The following EHBP1 variants were observed in gnomAD, a reference collection of about 807,000 sequenced individuals.
The protein encoded by EHBP1 is EH domain-binding protein 1.
EHBP1 carries 55 observed loss-of-function variants against 144.0 expected under a neutral mutation model. The ratio of observed to expected loss-of-function variants is 0.38; its 90% CI spans 0.31 to 0.48. The LOEUF (loss-of-function observed/expected upper bound fraction) is 0.48, where lower values mean the gene tolerates loss of function less well. EHBP1 is among the 20% of genes least tolerant of loss of function. EHBP1 has a pLI of 0.98. For synonymous variants in EHBP1, 469 were observed against 472.7 expected, an observed-to-expected ratio of 0.99 and a Z score of 0.10; for missense variants, 1,200 against 1,364.2, an observed-to-expected ratio of 0.88 and a Z score of 1.90.
At chr2:62,783,298 C>G (rs181982311) in intron 5 of EHBP1, among the ~76,000 whole-genome samples, 6 of 152,304 alleles carry the variant, frequency 3.9e-5, no homozygotes, top group African/African-American at 1.4e-4. Context: ...AGTGCAACCT[C>G]TCAGTGGATC....
chr2:62,925,170 A>G (rs1321825954), intron 10 of EHBP1, among the ~76,000 whole-genome samples: 1 of 152,224 alleles, frequency 6.6e-6, no homozygotes. Flanking sequence ...TGTTCATGAT[A>G]AAACTCTTAA....
chr2:62,969,432 CAA>C (rs752119516), intron 14 of EHBP1, among the ~76,000 whole-genome samples: 3 of 152,022 alleles, frequency 2.0e-5, no homozygotes, highest in African/African-American at 2.4e-5. Flanking sequence ...TATCTTGAAA[CAA>C]AGAGATATAT....
chr2:62,696,132 C>T (rs190286237), intron 1 of EHBP1, among the ~76,000 whole-genome samples: 2 of 150,758 alleles, frequency 1.3e-5, no homozygotes, highest in African/African-American at 4.9e-5. Flanking sequence ...CCCTCCCTCC[C>T]TCCCTTCCTT....
intron 1 of EHBP1, among the ~76,000 whole-genome samples, chr2:62,678,197 C>T (rs769110882): frequency 1.1e-4 from 17 of 152,214 alleles, no homozygotes; most frequent in Non-Finnish European, 2.1e-4. Flanking sequence ...ATTATGATAT[C>T]TCACTGCAGT....
chr2:62,986,021 C>A (rs2059174710), intron 15 of EHBP1, among the ~76,000 whole-genome samples: 1 of 152,090 alleles, frequency 6.6e-6, no homozygotes, highest in Non-Finnish European at 1.5e-5. Context: ...ATATTGAATT[C>A]TATACTCTCC....
At position 62,808,001 on chromosome 2, in the gene EHBP1, C is replaced by T. The variant is rs549430199; in HGVS notation, c.313-18086C>T. ...TTTGGGAGGCTGAAGTGGGAGATCA[C>T]TTGGGGCCAGGCGTTTATTCCAACC... On this transcript the variant is annotated intron_variant, in intron 5 of 22. Coordinates refer to ENST00000431489, the MANE Select transcript of EHBP1 (RefSeq NM_001142616.3). Among the ~76,000 whole-genome samples, 200 of 151,420 alleles carry T rather than the reference C, an allele frequency of 1.3e-3. 1 individual carries two copies. The highest frequency in any genetic ancestry group is 4.5e-3 in the African/African-American group (184 of 41,252).
intron 19 of EHBP1, among the ~76,000 whole-genome samples, chr2:63,024,636 A>C (rs1476835269): frequency 1.3e-5 from 2 of 152,050 alleles, no homozygotes; most frequent in Non-Finnish European, 2.9e-5. Context: ...AGATGGAGTC[A>C]AAATTTAACA....
At chr2:62,679,612 A>C (rs1477887434) in intron 1 of EHBP1, among the ~76,000 whole-genome samples, 1 of 152,188 alleles carries the variant, frequency 6.6e-6, no homozygotes, top group Non-Finnish European at 1.5e-5. Context: ...AGAAAATTTC[A>C]TGCCTCTTTA....
In EHBP1 at chr2:63,045,360, C is replaced by A; in HGVS notation, c.3393-50C>A. The A allele has an allele frequency of 6.4e-7, 1 of 1,570,832 alleles. No homozygotes were observed. The highest frequency in any genetic ancestry group is 8.8e-7 in the Non-Finnish European group (1 of 1,141,650). ...CGGGGGAGTGCTGCTCTGCCCTCCA[C>A]GAAGAAAAATAATTTTGTTTCCTGT... On this transcript the variant is annotated intron_variant, in intron 22 of 22. Coordinates refer to ENST00000431489, the MANE Select transcript of EHBP1 (RefSeq NM_001142616.3). The surrounding 1 kb of genome is among the most constrained non-coding windows in gnomAD (Gnocchi z 5.7).
chr2:63,015,952 G>C (rs141381039), intron 19 of EHBP1, among the ~76,000 whole-genome samples: 1 of 151,988 alleles, frequency 6.6e-6, no homozygotes, highest in Non-Finnish European at 1.5e-5. Context: ...CTCTGCAAAG[G>C]AACTTTTCAT....
At chr2:62,820,931 A>G (rs1231360701) in intron 5 of EHBP1, among the ~76,000 whole-genome samples, 1 of 150,952 alleles carries the variant, frequency 6.6e-6, no homozygotes, top group African/African-American at 2.4e-5. Flanking sequence ...GGTACTGGCA[A>G]TGTTCTGTTT....
chr2:62,928,667 A>T (rs1458241051), intron 10 of EHBP1, among the ~76,000 whole-genome samples: 3 of 152,136 alleles, frequency 2.0e-5, no homozygotes, highest in Non-Finnish European at 4.4e-5. Context: ...AACTTAAGGA[A>T]CTGGAAGAAC....
At chr2:62,710,134 T>G (rs1016924060) in intron 2 of EHBP1, among the ~76,000 whole-genome samples, 1 of 152,154 alleles carries the variant, frequency 6.6e-6, no homozygotes, top group Non-Finnish European at 1.5e-5. Flanking sequence ...TCTGTTCTTT[T>G]ATCATCTGTA....
At chr2:62,757,927 G>T (rs1029411377) in intron 3 of EHBP1, among the ~76,000 whole-genome samples, 1 of 151,890 alleles carries the variant, frequency 6.6e-6, no homozygotes, top group Admixed American at 6.5e-5. Flanking sequence ...CAGGAGAATG[G>T]CGTGAACCCA....
At chr2:62,734,083 A>G (rs932283846) in intron 2 of EHBP1, among the ~76,000 whole-genome samples, 3 of 152,330 alleles carry the variant, frequency 2.0e-5, no homozygotes, top group South Asian at 2.1e-4. Flanking sequence ...GGCTCCTGAC[A>G]TGCTTGACTG....
intron 10 of EHBP1, among the ~76,000 whole-genome samples, chr2:62,925,464 G>A (rs983882568): frequency 2.6e-5 from 4 of 151,896 alleles, no homozygotes; most frequent in Admixed American, 2.0e-4. Context: ...ATATTCAGGG[G>A]AAGTTGAATC....
At chr2:63,003,465 G>A (rs1211309406) in intron 19 of EHBP1, among the ~76,000 whole-genome samples, 1 of 152,034 alleles carries the variant, frequency 6.6e-6, no homozygotes, top group African/African-American at 2.4e-5. Flanking sequence ...GAATTGTCAA[G>A]TGTGTACTGA....
intron 14 of EHBP1, among the ~76,000 whole-genome samples, chr2:62,958,315 A>T (rs1288082955): frequency 6.6e-6 from 1 of 152,228 alleles, no homozygotes; most frequent in Non-Finnish European, 1.5e-5. Flanking sequence ...CAAAATTTAA[A>T]TGTCCATCAC....
chr2:62,763,203 C>A (rs1384126033), intron 3 of EHBP1, among the ~76,000 whole-genome samples: 1 of 151,918 alleles, frequency 6.6e-6, no homozygotes, highest in African/African-American at 2.4e-5. Context: ...CTTTTCTTAC[C>A]CCCAGTTCTT....
Sources: gnomAD v4.1 joint callset for allele counts (sites outside exome capture counted in the v4.1 genomes callset) on GRCh38, gnomAD v4.1.1 for gene constraint, Gnocchi (gnomAD v3.1) non-coding constraint, MANE v1.5 for transcripts, NCBI Gene and HGNC (gene_info 2026-07-23, HGNC 2026-07-21) for gene names.